GAK: variants seen among roughly 807,000 people sequenced by gnomAD.
GAK encodes the protein cyclin-G-associated kinase.
Under a neutral mutation model 143.9 loss-of-function variants are expected in GAK, and 79 were observed. The observed-to-expected ratio is 0.55, with a 90% CI of 0.46 to 0.66. The LOEUF (loss-of-function observed/expected upper bound fraction) is 0.66. Ranked by LOEUF, GAK falls within the 30% of genes least tolerant of loss-of-function variation. GAK has a pLI of 0.00. For missense variants in GAK, 1,693 were observed against 1,779.7 expected (o/e 0.95, Z 0.88); for synonymous variants, 881 against 765.5 (o/e 1.15, Z -2.49).
At chr4:887,622 T>G (rs531216409) in intron 11 of GAK, 1 of 148,242 alleles carries the variant, frequency 6.7e-6, no homozygotes, top group Non-Finnish European at 1.5e-5. Flanking sequence ...CTCGCGCGCA[T>G]GCGTACACAT....
At chr4:896,391 C>G in intron 7 of GAK, 69 bp downstream of exon 7, 1 of 1,230,358 alleles carries the variant, frequency 8.1e-7, no homozygotes, top group Non-Finnish European at 1.2e-6. Context: ...AGGTGCCCGG[C>G]CCACGCCGCC....
chr4:876,639 G>A lies in GAK; in HGVS notation c.1975-30C>T, dbSNP rs779226857. The A allele has an allele frequency of 1.6e-5, 25 of 1,593,580 alleles. No individual in the cohort carries two copies. The East Asian group carries it at 4.7e-4, about 30-fold the overall frequency. ...AAAGAGAGCAAACACGACACCCCAC[G>A]TGGAGGGTGAATCCAGATCCTGGGG... On this transcript the variant is annotated intron_variant, in intron 17 of 27. Coordinates refer to ENST00000314167, the MANE Select transcript of GAK (RefSeq NM_005255.4).
rs559006912 is a variant in GAK, at chr4:931,985, C to A, written c.145+58G>T. 3.2e-4 allele frequency: 401 copies of A among 1,264,520 alleles called. 2 individuals are homozygous for A. The African/African-American group carries it at 5.5e-3, about 17-fold the overall frequency. The allele number at this position is 1,264,520 out of a possible 1,614,324, so 78.3% of individuals were successfully genotyped here. A position where few individuals can be genotyped will look rare whatever the true frequency, so the allele number is the denominator to read the frequency against. ...TTCCACTCCGGGCTGACGCTGCCCC[C>A]AGCGTCCCGGAGACAACACTCCGCG... is the stretch of plus-strand genomic sequence containing the variant. On this transcript the variant is annotated intron_variant, in intron 1 of 27. Transcript: ENST00000314167.
At chr4:909,602 G>A (rs1721683471) in intron 4 of GAK, among the ~76,000 whole-genome samples, 1 of 152,162 alleles carries the variant, frequency 6.6e-6, no homozygotes, top group Non-Finnish European at 1.5e-5. Flanking sequence ...AAATCGCGAG[G>A]ATCTTCTCAG....
chr4:892,307 C>A (rs1717829540), intron 9 of GAK, among the ~76,000 whole-genome samples: 1 of 152,178 alleles, frequency 6.6e-6, no homozygotes, highest in Admixed American at 6.5e-5. Flanking sequence ...GTCCTGGGTC[C>A]TTGGACACAG....
intron 18 of GAK, among the ~76,000 whole-genome samples, chr4:874,495 C>T (rs1577112442): frequency 1.3e-5 from 2 of 152,198 alleles, no homozygotes; most frequent in Admixed American, 6.5e-5. Flanking sequence ...TATAGAATTC[C>T]CGTATTTTTC....
chr4:851,099 A>C lies in GAK; in HGVS notation c.3509-15T>G, dbSNP rs1017902701. 7 of 1,611,176 alleles carry C rather than the reference A, an allele frequency of 4.3e-6. No individual in the cohort carries two copies. The highest frequency in any genetic ancestry group is 5.9e-6 in the Non-Finnish European group (7 of 1,178,594). On this transcript the variant is annotated splice_polypyrimidine_tract_variant and intron_variant, in intron 25 of 27. Transcript: ENST00000314167. ...TGGCTTTTGAGCTAGAAAAGAACAGAAACTTTTTTTTGTTTGAGACAGGGT... is the reference window on the plus strand; with the variant it reads ...TGGCTTTTGAGCTAGAAAAGAACAGCAACTTTTTTTTGTTTGAGACAGGGT...
chr4:857,677 G>A (rs570003901), intron 24 of GAK, among the ~76,000 whole-genome samples: 1 of 152,306 alleles, frequency 6.6e-6, no homozygotes, highest in East Asian at 1.9e-4. Context: ...GATGACCTGG[G>A]TCACTCTTCC....
intron 11 of GAK, chr4:886,306 T>C (rs17781378): frequency 0.52 from 78,903 of 151,988 alleles, 20,735 homozygotes; most frequent in South Asian, 0.64. Context: ...AGCCAAACTG[T>C]GTCCTCCTAG....
At chr4:881,840 C>G (rs1180306171) in intron 15 of GAK, 67 bp downstream of exon 15, 1 of 1,498,850 alleles carries the variant, frequency 6.7e-7, no homozygotes. Flanking sequence ...GGAGACACCA[C>G]AGCGGGGGCG....
intron 5 of GAK, among the ~76,000 whole-genome samples, chr4:898,618 T>G (rs1033209517): frequency 1.3e-5 from 2 of 152,152 alleles, no homozygotes; most frequent in Non-Finnish European, 2.9e-5. Flanking sequence ...TCCCAGCACT[T>G]TGGGAGGCCA....
chr4:920,539 A>AATTTTTTTT (rs766096942), intron 1 of GAK, among the ~76,000 whole-genome samples: 2 of 129,592 alleles, frequency 1.5e-5, no homozygotes, highest in South Asian at 5.0e-4. Flanking sequence ...GTTTAGAGCC[A>AATTTTTTTT]TTTTTTTTTT....
intron 18 of GAK, among the ~76,000 whole-genome samples, chr4:873,852 C>T (rs185754461): frequency 4.2e-4 from 64 of 152,268 alleles, no homozygotes; most frequent in African/African-American, 1.4e-3. Context: ...TAATCCAGCC[C>T]GATTAACTGG....
At chr4:891,657 T>A (rs117842813) in intron 9 of GAK, among the ~76,000 whole-genome samples, 5,314 of 151,910 alleles carry the variant, frequency 0.035, 186 homozygotes, top group East Asian at 0.19. Flanking sequence ...CGGCACCTCC[T>A]CCCGCCCCAT....
intron 5 of GAK, among the ~76,000 whole-genome samples, chr4:900,391 C>T (rs1296065796): frequency 1.3e-5 from 2 of 152,240 alleles, no homozygotes; most frequent in African/African-American, 4.8e-5. Flanking sequence ...TGGGTTCCCG[C>T]CACGCCGCTG....
intron 26 of GAK, 186 bp downstream of exon 26, chr4:850,750 G>A: frequency 1.9e-6 from 1 of 518,672 alleles, no homozygotes; most frequent in Non-Finnish European, 3.2e-6. Flanking sequence ...CTGTCCTTGA[G>A]GGCTGCCAGG....
At chr4:885,027 G>A (rs1015491095) in intron 11 of GAK, among the ~76,000 whole-genome samples, 10 of 151,862 alleles carry the variant, frequency 6.6e-5, no homozygotes, top group South Asian at 6.2e-4. Flanking sequence ...TCTTCCGTGC[G>A]TTCAAACGTT....
chr4:859,287 T>C, intron 24 of GAK: 1 of 1,281,832 alleles, frequency 7.8e-7, no homozygotes, highest in Non-Finnish European at 1.0e-6. Flanking sequence ...AGAGCCCAGC[T>C]ACACCCCACT....
intron 4 of GAK, among the ~76,000 whole-genome samples, chr4:910,290 C>G (rs1301016160): frequency 1.3e-5 from 2 of 152,014 alleles, no homozygotes; most frequent in African/African-American, 4.8e-5. Context: ...ACCCTCAGCC[C>G]TCAGCAGTAC....
Sources: allele counts gnomAD v4.1 joint callset (sites outside exome capture counted in the v4.1 genomes callset), GRCh38; gene constraint gnomAD v4.1.1; transcripts MANE v1.5; gene names NCBI Gene and HGNC (gene_info 2026-07-23, HGNC 2026-07-21).